RPH3AL: variants seen among roughly 807,000 people sequenced by gnomAD.
RPH3AL encodes the protein rabphilin 3A like (without C2 domains), also known as rab effector Noc2.
RPH3AL carries 38 observed loss-of-function variants against 43.1 expected under a neutral mutation model. The ratio of observed to expected loss-of-function variants is 0.88; its 90% CI spans 0.68 to 1.15. The LOEUF is 1.15. RPH3AL is among the 50% of genes most tolerant of loss of function. The pLI, the probability that RPH3AL is intolerant of heterozygous loss-of-function variation, is 0.00. For synonymous variants in RPH3AL, 189 were observed against 176.3 expected, an observed-to-expected ratio of 1.07 and a Z score of -0.57; for missense variants, 462 against 423.2, an observed-to-expected ratio of 1.09 and a Z score of -0.81.
intron 1 of RPH3AL, among the ~76,000 whole-genome samples, chr17:350,214 C>T (rs7218565): frequency 0.016 from 2,493 of 152,248 alleles, 79 homozygotes; most frequent in African/African-American, 0.057. Flanking sequence ...AGGCTGGGCG[C>T]GGTGGCTCAC....
At chr17:240,639 G>C (rs547489726) in intron 7 of RPH3AL, among the ~76,000 whole-genome samples, 41 of 152,296 alleles carry the variant, frequency 2.7e-4, no homozygotes, top group African/African-American at 9.9e-4. Context: ...TTCTTCCTAT[G>C]ACTGAATAAC....
chr17:258,083 G>A (rs985178214), intron 6 of RPH3AL, among the ~76,000 whole-genome samples: 8 of 152,180 alleles, frequency 5.3e-5, no homozygotes, highest in Admixed American at 1.3e-4. Flanking sequence ...GTGTCAGCAC[G>A]TCCTTCCTTT....
At chr17:247,958 G>C (rs1439774511) in intron 6 of RPH3AL, among the ~76,000 whole-genome samples, 2 of 152,080 alleles carry the variant, frequency 1.3e-5, no homozygotes, top group Non-Finnish European at 2.9e-5. Context: ...GCCCAAGGCA[G>C]AGGGCTGCAC....
intron 6 of RPH3AL, among the ~76,000 whole-genome samples, chr17:276,869 G>C (rs376671794): frequency 1.6e-4 from 24 of 152,278 alleles, no homozygotes; most frequent in African/African-American, 5.8e-4. Context: ...AGAATTTTGA[G>C]TGGGAAAGAT....
Position 293,298 on chromosome 17 carries a change from G to C in RPH3AL, c.352-11444C>G, listed in dbSNP as rs540912897. Among the ~76,000 whole-genome samples the C allele has an allele frequency of 1.2e-3, 181 of 152,348 alleles. 2 individuals carry two copies. In the East Asian group the frequency reaches 0.03, roughly 26 times the overall value. On this transcript the variant is annotated intron_variant, in intron 5 of 9. Transcript: ENST00000331302. Reference sequence around the variant, plus strand: ...CACTGCGTCCCGAGTGGAGAGGAGGGTTAAAAAAGGCAACAGCATCAGCTG... The same window carrying C: ...CACTGCGTCCCGAGTGGAGAGGAGGCTTAAAAAAGGCAACAGCATCAGCTG...
At chr17:266,203 G>GGTGT (rs35841649) in intron 6 of RPH3AL, among the ~76,000 whole-genome samples, 3,428 of 148,680 alleles carry the variant, frequency 0.023, 146 homozygotes, top group African/African-American at 0.072. Context: ...AGGCCCCAGT[G>GGTGT]GTGTGTGTGT....
rs1049913802 is a variant in RPH3AL, at chr17:289,855, C to T, written c.352-8001G>A. Among the ~76,000 whole-genome samples, 4 of 152,194 alleles carry T rather than the reference C, an allele frequency of 2.6e-5. No homozygotes were observed. Among genetic ancestry groups the T allele is most frequent in the South Asian group, 2.1e-4 (1 of 4,834 alleles). The stretch of plus-strand genomic sequence containing the variant: ...GCACCACATCTTCAAGGAAGACTTC[C>T]GCAACACTCCTTCCACAATGAGAGC... On this transcript the variant is annotated intron_variant, in intron 5 of 9. Coordinates refer to ENST00000331302, the MANE Select transcript of RPH3AL (RefSeq NM_006987.4). This position sits in a 1 kb window ranked among gnomAD's most constrained non-coding sequence, Gnocchi z 5.2.
chr17:212,683 G>A lies in RPH3AL; in HGVS notation c.*1169C>T, dbSNP rs1263360627. 1 of 149,682 alleles carries A rather than the reference G, an allele frequency of 6.7e-6. No individual in the cohort carries two copies. Among genetic ancestry groups the A allele is most frequent in the African/African-American group, 2.5e-5 (1 of 40,312 alleles). 9.3% of individuals were successfully genotyped at this position (149,682 alleles called of 1,614,324 possible). A position where few individuals can be genotyped will look rare whatever the true frequency, so the allele number is the denominator to read the frequency against. On this transcript the variant is annotated 3_prime_UTR_variant, in exon 10 of 10. Transcript: ENST00000331302. ...TTGGGGCAGGAGGCAGGAAGGATGGGAGGGTGTGATCACCGACACACACAC... is the reference window on the plus strand; with the variant it reads ...TTGGGGCAGGAGGCAGGAAGGATGGAAGGGTGTGATCACCGACACACACAC...
Position 213,846 on chromosome 17 carries a change from G to C in RPH3AL, c.*6C>G. 6.2e-7 allele frequency: 1 copy of C among 1,612,500 alleles called. No homozygotes were observed. Among genetic ancestry groups the C allele is most frequent in the Non-Finnish European group, 8.5e-7 (1 of 1,179,130 alleles). On this transcript the variant is annotated 3_prime_UTR_variant, in exon 10 of 10. Coordinates refer to ENST00000331302, the MANE Select transcript of RPH3AL (RefSeq NM_006987.4). ...ACAGGGAAGTCTGTTCCAGGCACCA[G>C]ACACCTCAGCCCAGGCAGCTGGAGG...
At position 322,604 on chromosome 17, in the gene RPH3AL, T is replaced by G. The variant is rs1011162956; in HGVS notation, c.78-1189A>C. 6.6e-6 allele frequency among the ~76,000 whole-genome samples: 1 copy of G among 152,056 alleles called. No individual in the cohort carries two copies. The highest frequency in any genetic ancestry group is 1.5e-5 in the Non-Finnish European group (1 of 68,004). Reference sequence around the variant, plus strand: ...AGAGAATTACCCAGCAGGGAGGGGATGAGGCTCTGGAAAGGCTCGCTTTCT... The same window carrying G: ...AGAGAATTACCCAGCAGGGAGGGGAGGAGGCTCTGGAAAGGCTCGCTTTCT... On this transcript the variant is annotated intron_variant, in intron 3 of 9. Coordinates refer to ENST00000331302, the MANE Select transcript of RPH3AL (RefSeq NM_006987.4). The surrounding 1 kb of genome is among the most constrained non-coding windows in gnomAD (Gnocchi z 4.0).
chr17:242,732 T>C (rs1555537635), intron 7 of RPH3AL, among the ~76,000 whole-genome samples: 6 of 87,818 alleles, frequency 6.8e-5, no homozygotes, highest in East Asian at 4.5e-4. Context: ...ATTGACTACC[T>C]TCCTCTATTG....
At chr17:304,429 C>T (rs1414952791) in intron 5 of RPH3AL, among the ~76,000 whole-genome samples, 3 of 152,056 alleles carry the variant, frequency 2.0e-5, no homozygotes, top group East Asian at 1.9e-4. Context: ...TTTAAAATTC[C>T]GTCGAGAGGA....
At chr17:253,546 C>T (rs1263955899) in intron 6 of RPH3AL, among the ~76,000 whole-genome samples, 7 of 152,134 alleles carry the variant, frequency 4.6e-5, no homozygotes, top group Admixed American at 6.5e-5. Flanking sequence ...GTATTCATAA[C>T]ATCAAACGTA....
At chr17:263,860 T>C (rs1482792730) in intron 6 of RPH3AL, among the ~76,000 whole-genome samples, 1 of 152,210 alleles carries the variant, frequency 6.6e-6, no homozygotes, top group African/African-American at 2.4e-5. Flanking sequence ...CACACATCAC[T>C]GCACCCACCT....
intron 1 of RPH3AL, among the ~76,000 whole-genome samples, chr17:351,245 G>A (rs1261733860): frequency 6.6e-6 from 1 of 152,040 alleles, no homozygotes; most frequent in Non-Finnish European, 1.5e-5. Flanking sequence ...CTCTTTACCT[G>A]GGCCCTTAAC....
chr17:222,329 G>T (rs904590466), intron 7 of RPH3AL, among the ~76,000 whole-genome samples: 1 of 152,238 alleles, frequency 6.6e-6, no homozygotes, highest in African/African-American at 2.4e-5. Flanking sequence ...CGTGGCTCCT[G>T]CTCACAACCC....
rs1388107624 is a variant in RPH3AL at position 305,094 on chromosome 17, GGGGGACAGGGCGAGA to G, written c.351+14311_351+14325del. Among the ~76,000 whole-genome samples, 118 of 92,862 alleles carry G rather than the reference GGGGGACAGGGCGAGA, an allele frequency of 1.3e-3. 17 individuals are homozygous for G. Among genetic ancestry groups the G allele is most frequent in the African/African-American group, 3.2e-3 (65 of 20,272 alleles). 60.9% of individuals were successfully genotyped at this position (92,862 alleles called of 152,430 possible). Reference sequence around the variant, plus strand: ...AGGGCGGGAGGGGGACAGGGCGGGAGGGGGACAGGGCGAGAGGGGACAGGGCGAGAGGGGGACAGG... The same window carrying G: ...AGGGCGGGAGGGGGACAGGGCGGGAGGGGGACAGGGCGAGAGGGGGACAGG... On this transcript the variant is annotated intron_variant, in intron 5 of 9. Coordinates refer to ENST00000331302, the MANE Select transcript of RPH3AL (RefSeq NM_006987.4).
intron 6 of RPH3AL, among the ~76,000 whole-genome samples, chr17:248,016 C>T (rs749364287): frequency 1.3e-5 from 2 of 151,704 alleles, no homozygotes; most frequent in Non-Finnish European, 2.9e-5. Flanking sequence ...CTCACCCAGC[C>T]CCCAAGCTCT....
intron 6 of RPH3AL, among the ~76,000 whole-genome samples, chr17:261,244 G>A (rs2042188515): frequency 6.6e-6 from 1 of 152,216 alleles, no homozygotes; most frequent in African/African-American, 2.4e-5. Context: ...TAACCCTCAT[G>A]TACTTGTGAG....
Sources: gnomAD v4.1 joint callset for allele counts (sites outside exome capture counted in the v4.1 genomes callset) on GRCh38, gnomAD v4.1.1 for gene constraint, Gnocchi (gnomAD v3.1) non-coding constraint, MANE v1.5 for transcripts, NCBI Gene and HGNC (gene_info 2026-07-23, HGNC 2026-07-21) for gene names.